PPP2R2B: variants seen among roughly 807,000 people sequenced by gnomAD.
The protein encoded by PPP2R2B is serine/threonine-protein phosphatase 2A 55 kDa regulatory subunit B beta isoform.
A neutral mutation model predicts 46.0 loss-of-function variants in PPP2R2B; 5 were observed. That is an observed-to-expected ratio of 0.11 (90% CI 0.06 to 0.23). The LOEUF (loss-of-function observed/expected upper bound fraction) is 0.23, where lower values mean the gene tolerates loss of function less well. Ranked by LOEUF, PPP2R2B falls within the 10% of genes least tolerant of loss-of-function variation. The pLI, the probability that PPP2R2B is intolerant of heterozygous loss-of-function variation, is 1.00. For missense variants in PPP2R2B, 367 were observed against 575.0 expected (o/e 0.64, Z 3.70); for synonymous variants, 215 against 206.7 (o/e 1.04, Z -0.34).
At chr5:147,014,648 A>C (rs1012399367) in intron 1 of PPP2R2B, among the ~76,000 whole-genome samples, 4 of 151,050 alleles carry the variant, frequency 2.6e-5, no homozygotes, top group Non-Finnish European at 5.9e-5. Context: ...AAAAAACCAA[A>C]CACCGCATAT....
chr5:146,843,844 C>G (rs55879140), intron 2 of PPP2R2B, among the ~76,000 whole-genome samples: 9,077 of 151,804 alleles, frequency 0.06, 481 homozygotes, highest in African/African-American at 0.15. Flanking sequence ...TTAATCCAGT[C>G]TATCATTGTT....
Position 146,683,389 on chromosome 5 carries a change from C to A in PPP2R2B, c.447+7739G>T, listed in dbSNP as rs73793217. 7.9e-3 allele frequency among the ~76,000 whole-genome samples: 1,200 copies of A among 152,262 alleles called. 19 individuals carry two copies. Among genetic ancestry groups the A allele is most frequent in the African/African-American group, 0.028 (1,151 of 41,536 alleles). The stretch of plus-strand genomic sequence containing the variant: ...TGGGTTTTAGAGTCATAAAGACGTG[C>A]ACTCAAGTCCAAGCATTACCACTTA... On this transcript the variant is annotated intron_variant, in intron 5 of 9. Transcript: ENST00000394411.
chr5:146,797,714 G>A (rs1334113119), intron 2 of PPP2R2B, among the ~76,000 whole-genome samples: 1 of 152,166 alleles, frequency 6.6e-6, no homozygotes, highest in African/African-American at 2.4e-5. Context: ...ATTAATGGGG[G>A]ACTCCTGAGA....
chr5:146,872,770 T>A (rs1324125937), intron 2 of PPP2R2B, among the ~76,000 whole-genome samples: 1 of 152,232 alleles, frequency 6.6e-6, no homozygotes, highest in Non-Finnish European at 1.5e-5. Context: ...ATTACTTGAA[T>A]AATATCAGTG....
At chr5:146,843,223 G>A (rs1456708187) in intron 2 of PPP2R2B, among the ~76,000 whole-genome samples, 5 of 152,228 alleles carry the variant, frequency 3.3e-5, no homozygotes, top group Non-Finnish European at 5.9e-5. Flanking sequence ...GCCAGAATCA[G>A]TGAATAATGA....
chr5:146,696,518 T>G (rs1779192952), intron 4 of PPP2R2B, among the ~76,000 whole-genome samples: 1 of 152,212 alleles, frequency 6.6e-6, no homozygotes. Context: ...TAAGTCAAAA[T>G]CATCAGAAGT....
At chr5:146,749,601 C>CTTTTTT (rs1753414783) in intron 2 of PPP2R2B, among the ~76,000 whole-genome samples, 1 of 124,106 alleles carries the variant, frequency 8.1e-6, no homozygotes, top group Non-Finnish European at 1.7e-5. Context: ...TTTTTCTTTT[C>CTTTTTT]TTTTCTTTTT....
At chr5:146,667,355 C>T (rs1290514294) in intron 5 of PPP2R2B, among the ~76,000 whole-genome samples, 2 of 142,498 alleles carry the variant, frequency 1.4e-5, no homozygotes, top group South Asian at 4.5e-4. Context: ...CACACACACA[C>T]ACACACACAC....
At chr5:146,971,752 T>C (rs530035929) in intron 1 of PPP2R2B, among the ~76,000 whole-genome samples, 1 of 152,332 alleles carries the variant, frequency 6.6e-6, no homozygotes, top group African/African-American at 2.4e-5. Context: ...TATTAGGTTA[T>C]CAAACTTTTT....
At chr5:146,794,409 A>G (rs1756393854) in intron 2 of PPP2R2B, among the ~76,000 whole-genome samples, 1 of 152,224 alleles carries the variant, frequency 6.6e-6, no homozygotes, top group Non-Finnish European at 1.5e-5. Flanking sequence ...ACCCAAGCTT[A>G]TTCAGATAAC....
chr5:146,674,884 T>C (rs1777603452), intron 5 of PPP2R2B, among the ~76,000 whole-genome samples: 1 of 152,226 alleles, frequency 6.6e-6, no homozygotes, highest in South Asian at 2.1e-4. Flanking sequence ...AGTTAGTAGT[T>C]ACTCAGTGTT....
chr5:146,607,032 C>T (rs1197402081), intron 7 of PPP2R2B: 3 of 152,156 alleles, frequency 2.0e-5, no homozygotes, highest in Admixed American at 6.5e-5. Context: ...ATAATGGGGA[C>T]ACAACTGGCA....
intron 1 of PPP2R2B, among the ~76,000 whole-genome samples, chr5:146,943,268 G>A (rs144029648): frequency 6.6e-6 from 1 of 152,124 alleles, no homozygotes; most frequent in South Asian, 2.1e-4. Flanking sequence ...GAATGTGAAT[G>A]GGAAATTTAG....
intron 1 of PPP2R2B, among the ~76,000 whole-genome samples, chr5:147,047,202 G>T (rs916841469): frequency 6.6e-6 from 1 of 152,026 alleles, no homozygotes; most frequent in East Asian, 1.9e-4. Context: ...CAAAATTACA[G>T]CTGGATAGGA....
At chr5:147,063,864 T>TA (rs538355790) in intron 2 of PPP2R2B, among the ~76,000 whole-genome samples, 2 of 152,294 alleles carry the variant, frequency 1.3e-5, no homozygotes, top group African/African-American at 4.8e-5. Context: ...GGCTAACACT[T>TA]AGAGATACAG....
intron 2 of PPP2R2B, among the ~76,000 whole-genome samples, chr5:146,843,854 T>G (rs984854453): frequency 2.0e-5 from 3 of 152,018 alleles, no homozygotes; most frequent in Non-Finnish European, 4.4e-5. Context: ...CTATCATTGT[T>G]GGACATTTGG....
chr5:146,863,973 C>T (rs1158508060), intron 2 of PPP2R2B, among the ~76,000 whole-genome samples: 6 of 152,056 alleles, frequency 3.9e-5, no homozygotes, highest in Non-Finnish European at 7.4e-5. Flanking sequence ...GGAAAAGGGC[C>T]ATAGCAATTA....
chr5:146,948,696 T>G (rs1764562355), intron 1 of PPP2R2B, among the ~76,000 whole-genome samples: 1 of 152,154 alleles, frequency 6.6e-6, no homozygotes, highest in Non-Finnish European at 1.5e-5. Context: ...TTTGTTCATA[T>G]TCATTCATTT....
At chr5:146,799,837 A>G (rs1756760096) in intron 2 of PPP2R2B, among the ~76,000 whole-genome samples, 1 of 152,226 alleles carries the variant, frequency 6.6e-6, no homozygotes, top group African/African-American at 2.4e-5. Flanking sequence ...TGATTAACTG[A>G]CCACAGGCCA....
Sources: allele counts gnomAD v4.1 joint callset (sites outside exome capture counted in the v4.1 genomes callset), GRCh38; gene constraint gnomAD v4.1.1; transcripts MANE v1.5; gene names NCBI Gene and HGNC (gene_info 2026-07-23, HGNC 2026-07-21).